Variants in MAGI2 observed in about 807,000 individuals in gnomAD.
MAGI2 encodes the protein membrane-associated guanylate kinase, WW and PDZ domain-containing protein 2.
MAGI2 carries 35 observed loss-of-function variants against 133.3 expected under a neutral mutation model. The observed-to-expected ratio is 0.26, with a 90% CI of 0.20 to 0.35. The LOEUF (loss-of-function observed/expected upper bound fraction) is 0.35. Among genes scored for constraint, MAGI2 ranks in the 10% least tolerant of loss-of-function variants. The probability of loss-of-function intolerance (pLI) is 1.00; values close to 1 mark genes in which losing one functional copy is unlikely to be tolerated. For synonymous variants in MAGI2, 729 were observed against 710.6 expected, an observed-to-expected ratio of 1.03 and a Z score of -0.41; for missense variants, 1,636 against 1,863.4, an observed-to-expected ratio of 0.88 and a Z score of 2.25.
At chr7:78,504,926 T>C (rs1225670574) in intron 4 of MAGI2, among the ~76,000 whole-genome samples, 9 of 152,136 alleles carry the variant, frequency 5.9e-5, no homozygotes, top group African/African-American at 1.9e-4. Context: ...AAATGTATAG[T>C]ATTAATCCTA....
intron 2 of MAGI2, among the ~76,000 whole-genome samples, chr7:78,768,794 A>G (rs189460107): frequency 6.6e-6 from 1 of 152,272 alleles, no homozygotes; most frequent in Non-Finnish European, 1.5e-5. Flanking sequence ...ATACTATTGC[A>G]CTATTTTGCA....
intron 2 of MAGI2, among the ~76,000 whole-genome samples, chr7:78,977,494 A>T (rs866140750): frequency 3.4e-5 from 1 of 29,412 alleles, no homozygotes; most frequent in Non-Finnish European, 1.0e-4. Flanking sequence ...AAAGAAAGAA[A>T]GAAAGAAAGA....
chr7:79,151,704 AG>A (rs1180482924), intron 1 of MAGI2, among the ~76,000 whole-genome samples: 5 of 152,190 alleles, frequency 3.3e-5, no homozygotes, highest in Admixed American at 3.3e-4. Flanking sequence ...AACATAACAC[AG>A]GGCAGGTAAA....
chr7:79,103,829 A>G (rs1413808221), intron 1 of MAGI2, among the ~76,000 whole-genome samples: 2 of 151,704 alleles, frequency 1.3e-5, no homozygotes, highest in African/African-American at 4.8e-5. Flanking sequence ...CCTCCCGAGT[A>G]GCTGGGACTA....
At chr7:78,246,609 G>A (rs1176485042) in intron 10 of MAGI2, among the ~76,000 whole-genome samples, 1 of 152,150 alleles carries the variant, frequency 6.6e-6, no homozygotes, top group African/African-American at 2.4e-5. Flanking sequence ...TGTCCCACCA[G>A]AGCCTAAGCA....
chr7:79,044,884 T>C (rs1812026754), intron 1 of MAGI2, among the ~76,000 whole-genome samples: 1 of 152,194 alleles, frequency 6.6e-6, no homozygotes, highest in African/African-American at 2.4e-5. Flanking sequence ...AATTTATACA[T>C]GCATTTACCA....
chr7:78,810,033 C>T (rs1477664899), intron 2 of MAGI2, among the ~76,000 whole-genome samples: 9 of 152,108 alleles, frequency 5.9e-5, no homozygotes, highest in Admixed American at 3.3e-4. Context: ...GTAGGTTTTC[C>T]TACAGTTTTC....
chr7:78,226,275 T>C (rs943126989), intron 10 of MAGI2, among the ~76,000 whole-genome samples: 2 of 151,138 alleles, frequency 1.3e-5, no homozygotes, highest in African/African-American at 4.9e-5. Context: ...TGCAGTGCAG[T>C]TTAACTGAAT....
intron 2 of MAGI2, among the ~76,000 whole-genome samples, chr7:78,738,456 G>A (rs1822079647): frequency 6.6e-6 from 1 of 151,982 alleles, no homozygotes; most frequent in South Asian, 2.1e-4. Context: ...TCCTAAACAA[G>A]TCACATTATG....
At position 78,150,317 on chromosome 7, in the gene MAGI2, T is replaced by A. The variant is rs540365581; in HGVS notation, c.2845+9708A>T. On this transcript the variant is annotated intron_variant, in intron 16 of 21. Coordinates refer to ENST00000354212, the MANE Select transcript of MAGI2 (RefSeq NM_012301.4). Reference sequence around the variant, plus strand: ...CTTAACAATTTGCTCTTAAAATGGTTCCACATGTGGAACAAGCTTCATTAG... The same window carrying A: ...CTTAACAATTTGCTCTTAAAATGGTACCACATGTGGAACAAGCTTCATTAG... Among the ~76,000 whole-genome samples the A allele has an allele frequency of 2.0e-5, 3 of 152,308 alleles. No individual in the cohort carries two copies. The South Asian group carries it at 6.2e-4, about 32-fold the overall frequency.
At chr7:78,692,058 T>TA (rs1000589130) in intron 2 of MAGI2, among the ~76,000 whole-genome samples, 15 of 151,050 alleles carry the variant, frequency 9.9e-5, no homozygotes, top group African/African-American at 2.4e-4. Context: ...AAAACTGCTC[T>TA]AAAAAAAAAT....
chr7:78,807,229 G>T (rs1188176871), intron 2 of MAGI2, among the ~76,000 whole-genome samples: 2 of 151,974 alleles, frequency 1.3e-5, no homozygotes, highest in African/African-American at 4.8e-5. Context: ...TGTTTATGCA[G>T]ATTATAGCTA....
chr7:78,160,334 C>T (rs1014121725), intron 15 of MAGI2, 61 bp from the exon 16 acceptor site: 30 of 1,498,964 alleles, frequency 2.0e-5, no homozygotes, highest in Non-Finnish European at 2.5e-5. Flanking sequence ...TGAATGCTTC[C>T]TATGTACTAG....
rs77510623 is a variant in MAGI2, at chr7:78,908,791, A to G, written c.418+98299T>C. ...ATTGAAAACATATTATGTATTCAAT[A>G]TTTTGCTAGAACATATATGTAGATC... On this transcript the variant is annotated intron_variant, in intron 2 of 21. Transcript: ENST00000354212. Among the ~76,000 whole-genome samples, 144 of 152,336 alleles carry G rather than the reference A, an allele frequency of 9.5e-4. 2 individuals are homozygous for G. In the East Asian group the frequency reaches 0.024, roughly 26 times the overall value.
At chr7:79,208,360 C>T (rs1406434275) in intron 1 of MAGI2, among the ~76,000 whole-genome samples, 1 of 151,570 alleles carries the variant, frequency 6.6e-6, no homozygotes, top group Non-Finnish European at 1.5e-5. Flanking sequence ...AAACAAAAAA[C>T]CAATTACAGA....
chr7:78,388,366 G>GTCC (rs1226445778), intron 6 of MAGI2, among the ~76,000 whole-genome samples: 2 of 152,124 alleles, frequency 1.3e-5, no homozygotes, highest in African/African-American at 4.8e-5. Flanking sequence ...ATGGAATAGT[G>GTCC]AATGATGAAG....
chr7:78,252,165 A>G (rs1391083553), intron 10 of MAGI2: 1 of 150,756 alleles, frequency 6.6e-6, no homozygotes, highest in African/African-American at 2.4e-5. Context: ...AAAAGGAACA[A>G]TGCAATCCTA....
At chr7:79,280,058 CA>C (rs1028460581) in intron 1 of MAGI2, among the ~76,000 whole-genome samples, 1 of 152,080 alleles carries the variant, frequency 6.6e-6, no homozygotes, top group African/African-American at 2.4e-5. Flanking sequence ...CTAAAATAAT[CA>C]ACCAATGTTG....
chr7:78,283,447 CAT>C (rs1221975244), intron 9 of MAGI2, among the ~76,000 whole-genome samples: 3 of 152,066 alleles, frequency 2.0e-5, no homozygotes, highest in Non-Finnish European at 4.4e-5. Context: ...TTGTGTCAAA[CAT>C]ATCCTTTATT....
Sources: allele counts gnomAD v4.1 joint callset (sites outside exome capture counted in the v4.1 genomes callset), GRCh38; gene constraint gnomAD v4.1.1; transcripts MANE v1.5; gene names NCBI Gene and HGNC (gene_info 2026-07-23, HGNC 2026-07-21).